The following RAP2A variants were observed in gnomAD, a reference collection of about 807,000 sequenced individuals.
The protein encoded by RAP2A is ras-related protein Rap-2a.
RAP2A carries 5 observed loss-of-function variants against 15.1 expected under a neutral mutation model. The ratio of observed to expected loss-of-function variants is 0.33; its 90% CI spans 0.17 to 0.70. RAP2A has a LOEUF of 0.70. Ranked by LOEUF, RAP2A falls within the 30% of genes least tolerant of loss-of-function variation. The pLI is 0.68. For missense variants in RAP2A, 111 were observed against 240.3 expected (o/e 0.46, Z 3.56); for synonymous variants, 110 against 99.7 (o/e 1.10, Z -0.62).
At chr13:97,436,236 G>A (rs1449941001) in intron 1 of RAP2A, 5 of 152,082 alleles carry the variant, frequency 3.3e-5, no homozygotes, top group African/African-American at 9.7e-5. Context: ...AAAGTTAAAT[G>A]TTTATAGTTA....
At position 97,466,666 on chromosome 13, in the gene RAP2A, T is replaced by C. The variant is rs979240939; in HGVS notation, c.*2224T>C. ...AGATGTGAAAATAGGTTAAATAATA[T>C]GAAAGATATGGCAGAATGTAAAGTG... On this transcript the variant is annotated 3_prime_UTR_variant, in exon 2 of 2. Transcript: ENST00000245304. The C allele has an allele frequency of 3.9e-5, 6 of 152,196 alleles. No individual in the cohort carries two copies. The highest frequency in any genetic ancestry group is 7.4e-5 in the Non-Finnish European group (5 of 68,024). The allele number at this position is 152,196 out of a possible 1,614,324, so 9.4% of individuals were successfully genotyped here. A position where few individuals can be genotyped will look rare whatever the true frequency, so the allele number is the denominator to read the frequency against.
intron 1 of RAP2A, 75 bp downstream of exon 1, chr13:97,434,859 G>A: frequency 6.4e-7 from 1 of 1,571,066 alleles, no homozygotes; most frequent in Admixed American, 1.8e-5. Context: ...CCCCGCGCGG[G>A]GCTCCGGGGA....
chr13:97,445,863 A>G (rs962452858), intron 1 of RAP2A, among the ~76,000 whole-genome samples: 1 of 152,188 alleles, frequency 6.6e-6, no homozygotes, highest in African/African-American at 2.4e-5. Context: ...TATACATTTT[A>G]AAAGGCTACT....
At chr13:97,435,465 C>CAAAA (rs35791914) in intron 1 of RAP2A, among the ~76,000 whole-genome samples, 832 of 63,518 alleles carry the variant, frequency 0.013, 10 homozygotes, top group Non-Finnish European at 0.02. Flanking sequence ...TAACCCCTTC[C>CAAAA]AAAAAAAAAA....
At chr13:97,444,234 A>T (rs147581450) in intron 1 of RAP2A, among the ~76,000 whole-genome samples, 2 of 152,302 alleles carry the variant, frequency 1.3e-5, no homozygotes, top group South Asian at 2.1e-4. Context: ...ACCTAAATAT[A>T]TTGGCTATAA....
intron 1 of RAP2A, chr13:97,435,845 T>C (rs2066631817): frequency 1.3e-5 from 2 of 152,230 alleles, no homozygotes; most frequent in African/African-American, 4.8e-5. Flanking sequence ...TTTCCTGCCT[T>C]ATTCTACCTA....
chr13:97,434,903 G>T, intron 1 of RAP2A, 119 bp downstream of exon 1: 1 of 1,369,400 alleles, frequency 7.3e-7, no homozygotes, highest in Non-Finnish European at 9.8e-7. Context: ...CAAGCTGGAG[G>T]CTTTACTATT....
intron 1 of RAP2A, among the ~76,000 whole-genome samples, chr13:97,462,024 TTA>T (rs1566475769): frequency 6.9e-6 from 1 of 144,130 alleles, no homozygotes; most frequent in African/African-American, 2.5e-5. Flanking sequence ...ATATAGATAT[TTA>T]TATATTTATA....
rs1350408426 is a variant in RAP2A, at chr13:97,468,610, C to T, written c.*4168C>T. 6.6e-6 allele frequency: 1 copy of T among 152,196 alleles called. No homozygotes were observed. The highest frequency in any genetic ancestry group is 1.9e-4 in the East Asian group (1 of 5,202). The allele number at this position is 152,196 out of a possible 1,614,324, so 9.4% of individuals were successfully genotyped here. A position where few individuals can be genotyped will look rare whatever the true frequency, so the allele number is the denominator to read the frequency against. The stretch of plus-strand genomic sequence containing the variant: ...TGGCAGCATTCCACCAGTTGAGAAG[C>T]TTCATTGTTTTAGATTATAAGAATA... On this transcript the variant is annotated 3_prime_UTR_variant, in exon 2 of 2. Transcript: ENST00000245304.
chr13:97,463,582 C>T (rs1364300122), intron 1 of RAP2A, among the ~76,000 whole-genome samples: 1 of 152,166 alleles, frequency 6.6e-6, no homozygotes, highest in Non-Finnish European at 1.5e-5. Flanking sequence ...ATGATTTCTA[C>T]TACCTTTTTT....
intron 1 of RAP2A, among the ~76,000 whole-genome samples, chr13:97,445,081 G>A (rs1187215682): frequency 1.3e-5 from 2 of 152,118 alleles, no homozygotes; most frequent in Admixed American, 6.5e-5. Flanking sequence ...CCATTCATGA[G>A]GGTGGAGCCA....
chr13:97,462,028 ATATT>A (rs926692180), intron 1 of RAP2A, among the ~76,000 whole-genome samples: 6 of 140,384 alleles, frequency 4.3e-5, no homozygotes, highest in African/African-American at 8.2e-5. Context: ...AGATATTTAT[ATATT>A]TATATATATT....
intron 1 of RAP2A, among the ~76,000 whole-genome samples, chr13:97,462,768 C>T (rs906846905): frequency 6.6e-6 from 1 of 152,136 alleles, no homozygotes; most frequent in African/African-American, 2.4e-5. Context: ...CTGGAGTATG[C>T]CCTCTTGTTG....
intron 1 of RAP2A, among the ~76,000 whole-genome samples, chr13:97,457,330 T>C (rs1386740141): frequency 6.6e-6 from 1 of 151,928 alleles, no homozygotes; most frequent in Non-Finnish European, 1.5e-5. Context: ...TCAGATTGGC[T>C]GCTTATTTTA....
Position 97,434,398 on chromosome 13 carries a change from G to A in RAP2A, c.-73G>A. On this transcript the variant is annotated 5_prime_UTR_variant, in exon 1 of 2. Coordinates refer to ENST00000245304, the MANE Select transcript of RAP2A (RefSeq NM_021033.7). Reference sequence around the variant, plus strand: ...CGGCGGGGCGGGCCGCCGGGGCCGGGGCTGGGGGCGCAGCGCGGCCGGCGT... The same window carrying A: ...CGGCGGGGCGGGCCGCCGGGGCCGGAGCTGGGGGCGCAGCGCGGCCGGCGT... The A allele has an allele frequency of 9.1e-7, 1 of 1,103,830 alleles. No homozygotes were observed. Among genetic ancestry groups the A allele is most frequent in the Non-Finnish European group, 1.1e-6 (1 of 901,420 alleles). The allele number at this position is 1,103,830 out of a possible 1,614,324, so 68.4% of individuals were successfully genotyped here. A position where few individuals can be genotyped will look rare whatever the true frequency, so the allele number is the denominator to read the frequency against.
At chr13:97,457,717 A>G (rs1224457221) in intron 1 of RAP2A, among the ~76,000 whole-genome samples, 1 of 152,162 alleles carries the variant, frequency 6.6e-6, no homozygotes, top group African/African-American at 2.4e-5. Flanking sequence ...TTATATTGAT[A>G]TATGGAGGAA....
chr13:97,434,952 C>T (rs563903902), intron 1 of RAP2A, among the ~76,000 whole-genome samples, 168 bp downstream of exon 1: 4 of 152,338 alleles, frequency 2.6e-5, no homozygotes, highest in African/African-American at 9.6e-5. Flanking sequence ...AATTTGAGTG[C>T]TTTGTTTCAC....
rs1210387827 is a variant in RAP2A, at chr13:97,467,616, G to C, written c.*3174G>C. 6.6e-6 allele frequency: 1 copy of C among 150,820 alleles called. No homozygotes were observed. Among genetic ancestry groups the C allele is most frequent in the East Asian group, 1.9e-4 (1 of 5,192 alleles). The allele number at this position is 150,820 out of a possible 1,614,324, so 9.3% of individuals were successfully genotyped here. Reference sequence around the variant, plus strand: ...TTTTTGTTCTTATCAGCAGTCTTGTGTTAGCACTGGGTAAGCTTTAATTGT... The same window carrying C: ...TTTTTGTTCTTATCAGCAGTCTTGTCTTAGCACTGGGTAAGCTTTAATTGT... On this transcript the variant is annotated 3_prime_UTR_variant, in exon 2 of 2. Transcript: ENST00000245304.
intron 1 of RAP2A, among the ~76,000 whole-genome samples, chr13:97,463,552 A>G (rs1346348624): frequency 6.6e-6 from 1 of 152,190 alleles, no homozygotes; most frequent in Non-Finnish European, 1.5e-5. Context: ...GTGTGGTTGT[A>G]TTTGATAGCT....
Sources: allele counts gnomAD v4.1 joint callset (sites outside exome capture counted in the v4.1 genomes callset), GRCh38; gene constraint gnomAD v4.1.1; transcripts MANE v1.5; gene names NCBI Gene and HGNC (gene_info 2026-07-23, HGNC 2026-07-21).